The following NPAS3 variants were observed in gnomAD, a reference collection of about 807,000 sequenced individuals.
The protein encoded by NPAS3 is neuronal PAS domain-containing protein 3.
A neutral mutation model predicts 73.1 loss-of-function variants in NPAS3; 14 were observed. That is an observed-to-expected ratio of 0.19 (90% CI 0.13 to 0.30). The LOEUF is 0.30. Ranked by LOEUF, NPAS3 falls within the 10% of genes least tolerant of loss-of-function variation. The pLI, the probability that NPAS3 is intolerant of heterozygous loss-of-function variation, is 1.00. For synonymous variants in NPAS3, 620 were observed against 541.5 expected, an observed-to-expected ratio of 1.14 and a Z score of -2.01; for missense variants, 1,096 against 1,250.0, an observed-to-expected ratio of 0.88 and a Z score of 1.86.
chr14:33,276,344 GT>G (rs1422916516), intron 3 of NPAS3, among the ~76,000 whole-genome samples: 2 of 152,144 alleles, frequency 1.3e-5, no homozygotes, highest in African/African-American at 2.4e-5. Flanking sequence ...CATCTGCAAG[GT>G]TTGTGTAGTA....
chr14:33,609,094 C>A (rs778514863), intron 5 of NPAS3, among the ~76,000 whole-genome samples: 3 of 152,036 alleles, frequency 2.0e-5, no homozygotes, highest in African/African-American at 2.4e-5. Context: ...AGTTTCATTT[C>A]GGCACTGAAC....
At chr14:33,132,293 T>C (rs2043667670) in intron 2 of NPAS3, among the ~76,000 whole-genome samples, 2 of 152,122 alleles carry the variant, frequency 1.3e-5, no homozygotes, top group African/African-American at 2.4e-5. Flanking sequence ...TTGTTCTAGC[T>C]TGGGCTTCTG....
intron 3 of NPAS3, among the ~76,000 whole-genome samples, chr14:33,224,074 A>T (rs1203048741): frequency 6.6e-6 from 1 of 152,200 alleles, no homozygotes; most frequent in East Asian, 1.9e-4. Flanking sequence ...TATTTTAAAA[A>T]GTCTACCAGT....
intron 2 of NPAS3, among the ~76,000 whole-genome samples, chr14:33,180,350 A>G (rs922034359): frequency 2.1e-5 from 3 of 146,044 alleles, no homozygotes; most frequent in Non-Finnish European, 4.5e-5. Flanking sequence ...CTGTGGCACT[A>G]TCACTGCACC....
At chr14:33,022,292 T>C (rs2039625848) in intron 1 of NPAS3, among the ~76,000 whole-genome samples, 1 of 152,232 alleles carries the variant, frequency 6.6e-6, no homozygotes, top group African/African-American at 2.4e-5. Flanking sequence ...AGAAAAAGTC[T>C]ATATAAGCTG....
At chr14:33,287,877 G>T (rs376494492) in intron 3 of NPAS3, among the ~76,000 whole-genome samples, 39 of 152,132 alleles carry the variant, frequency 2.6e-4, no homozygotes, top group African/African-American at 9.2e-4. Flanking sequence ...CACCAAACTG[G>T]CATATTATGT....
intron 3 of NPAS3, among the ~76,000 whole-genome samples, chr14:33,349,589 C>T (rs545650291): frequency 1.6e-4 from 23 of 143,542 alleles, no homozygotes; most frequent in Admixed American, 1.4e-3. Context: ...TGTTTCTGCT[C>T]ATCAACTTTT....
intron 1 of NPAS3, among the ~76,000 whole-genome samples, chr14:33,047,078 C>T (rs1216335456): frequency 1.3e-5 from 2 of 152,042 alleles, no homozygotes; most frequent in Admixed American, 1.3e-4. Context: ...TGAGAGCTGA[C>T]TATACAGAAT....
At chr14:33,401,435 T>C (rs1251804192) in intron 4 of NPAS3, among the ~76,000 whole-genome samples, 2 of 152,028 alleles carry the variant, frequency 1.3e-5, no homozygotes, top group Admixed American at 1.3e-4. Flanking sequence ...TACGAGAACT[T>C]GTAATTTGGT....
chr14:33,116,678 G>T (rs549163961), intron 2 of NPAS3, among the ~76,000 whole-genome samples: 1 of 152,148 alleles, frequency 6.6e-6, no homozygotes, highest in South Asian at 2.1e-4. Flanking sequence ...GACAAAAGTT[G>T]TGCCAGGCTT....
intron 1 of NPAS3, among the ~76,000 whole-genome samples, chr14:32,939,884 C>T (rs2035908584): frequency 6.6e-6 from 1 of 151,942 alleles, no homozygotes; most frequent in Admixed American, 6.6e-5. Context: ...TCGCGCCAGG[C>T]CCGGAATGTG....
chr14:33,383,088 TAAA>T (rs34877774), intron 4 of NPAS3, among the ~76,000 whole-genome samples: 50 of 104,280 alleles, frequency 4.8e-4, no homozygotes, highest in African/African-American at 1.8e-3. Flanking sequence ...GACCCTGTCT[TAAA>T]AAAAAAAAAA....
intron 5 of NPAS3, among the ~76,000 whole-genome samples, chr14:33,625,041 G>A (rs539169465): frequency 6.6e-6 from 1 of 151,834 alleles, no homozygotes; most frequent in Non-Finnish European, 1.5e-5. Flanking sequence ...GACTGTGTAG[G>A]GTCTGTCTTA....
chr14:33,626,518 G>A (rs139870200), intron 5 of NPAS3, among the ~76,000 whole-genome samples: 7 of 152,258 alleles, frequency 4.6e-5, no homozygotes, highest in Non-Finnish European at 7.4e-5. Flanking sequence ...ATTATGAAAC[G>A]TAGACTATTG....
chr14:33,714,334 T>C (rs2060901989), intron 6 of NPAS3, among the ~76,000 whole-genome samples: 1 of 151,912 alleles, frequency 6.6e-6, no homozygotes, highest in Non-Finnish European at 1.5e-5. Context: ...CACCCGTCAC[T>C]CTCCTACTGT....
At chr14:33,733,008 G>T (rs886169652) in intron 6 of NPAS3, among the ~76,000 whole-genome samples, 1 of 152,118 alleles carries the variant, frequency 6.6e-6, no homozygotes, top group Non-Finnish European at 1.5e-5. Context: ...CTACAAGTTT[G>T]GTAGTTCCTC....
intron 4 of NPAS3, among the ~76,000 whole-genome samples, chr14:33,398,052 G>A (rs190948472): frequency 2.6e-5 from 4 of 152,166 alleles, no homozygotes; most frequent in African/African-American, 7.2e-5. Flanking sequence ...TTTTGTTAGG[G>A]AAACATTCTT....
chr14:33,357,447 C>T (rs1424681803), intron 3 of NPAS3, among the ~76,000 whole-genome samples: 1 of 152,100 alleles, frequency 6.6e-6, no homozygotes, highest in Non-Finnish European at 1.5e-5. Context: ...TTTGTGGTGA[C>T]ACTATAGATT....
intron 4 of NPAS3, among the ~76,000 whole-genome samples, chr14:33,522,820 C>G (rs900228356): frequency 2.0e-5 from 3 of 152,070 alleles, no homozygotes; most frequent in South Asian, 4.2e-4. Context: ...CTGAGGTAAA[C>G]GATGAGTGAA....
Sources: allele counts gnomAD v4.1 joint callset (sites outside exome capture counted in the v4.1 genomes callset), GRCh38; gene constraint gnomAD v4.1.1; transcripts MANE v1.5; gene names NCBI Gene and HGNC (gene_info 2026-07-23, HGNC 2026-07-21).